Variants in CEP128 observed in about 807,000 individuals in gnomAD.
CEP128 encodes centrosomal protein 128kDa.
In CEP128, 132 loss-of-function variants were observed where a neutral mutation model predicts 156.7. That is an observed-to-expected ratio of 0.84 (90% CI 0.73 to 0.97). The LOEUF (loss-of-function observed/expected upper bound fraction) is 0.97, where lower values mean the gene tolerates loss of function less well. Ranked by LOEUF, CEP128 falls within the 50% of genes least tolerant of loss-of-function variation. The pLI is 0.00. For synonymous variants in CEP128, 469 were observed against 448.9 expected (o/e 1.04, Z -0.57); for missense variants, 1,252 against 1,281.9 (o/e 0.98, Z 0.36).
At chr14:80,656,340 T>G (rs1267282322) in intron 19 of CEP128, among the ~76,000 whole-genome samples, 8 of 12,612 alleles carry the variant, frequency 6.3e-4, no homozygotes, top group South Asian at 2.4e-3. Flanking sequence ...TATATATATA[T>G]AGCAATAAAA....
chr14:80,933,137 C>T (rs569260546), intron 2 of CEP128, among the ~76,000 whole-genome samples: 64 of 152,256 alleles, frequency 4.2e-4, no homozygotes, highest in African/African-American at 1.4e-3. Flanking sequence ...GTCAATCCCC[C>T]AGCTTCACCC....
rs538604508 is a variant in CEP128, at chr14:80,780,116, G to A, written c.2212-2070C>T. Among the ~76,000 whole-genome samples, 10 of 152,092 alleles carry A rather than the reference G, an allele frequency of 6.6e-5. No individual in the cohort carries two copies. In the South Asian group the frequency reaches 2.1e-3, roughly 32 times the overall value. The stretch of plus-strand genomic sequence containing the variant: ...TAAATTTAAAAATAGGTATGAGAGG[G>A]GTGATTCTAGAAGGAGGAAAAAAAT... On this transcript the variant is annotated intron_variant, in intron 15 of 24. Coordinates refer to ENST00000555265, the MANE Select transcript of CEP128 (RefSeq NM_152446.5).
At chr14:80,783,042 ATT>A (rs1901210387) in intron 15 of CEP128, among the ~76,000 whole-genome samples, 1 of 152,056 alleles carries the variant, frequency 6.6e-6, no homozygotes, top group Admixed American at 6.6e-5. Flanking sequence ...GCTCCGAAAT[ATT>A]TCACTCTAAT....
downstream of CEP128, among the ~76,000 whole-genome samples, chr14:80,489,267 T>TAAAAA (rs35135843): frequency 9.3e-6 from 1 of 108,004 alleles, no homozygotes; most frequent in African/African-American, 3.5e-5. Context: ...TTGTAAAAGC[T>TAAAAA]AAAAAAAAAA....
intron 16 of CEP128, among the ~76,000 whole-genome samples, chr14:80,773,535 A>G (rs1168488356): frequency 6.6e-6 from 1 of 152,190 alleles, no homozygotes; most frequent in Non-Finnish European, 1.5e-5. Context: ...AAACTACTTG[A>G]CTTTACAAAG....
At chr14:80,621,348 A>T (rs536644602) in intron 19 of CEP128, among the ~76,000 whole-genome samples, 4 of 152,278 alleles carry the variant, frequency 2.6e-5, no homozygotes, top group South Asian at 4.1e-4. Flanking sequence ...TCTAATATGT[A>T]TTGTCTTTCC....
At chr14:80,697,702 C>T (rs1208270341) in intron 19 of CEP128, among the ~76,000 whole-genome samples, 1 of 151,968 alleles carries the variant, frequency 6.6e-6, no homozygotes, top group Non-Finnish European at 1.5e-5. Context: ...CTGCTTACCT[C>T]AAAATGTGAA....
intron 19 of CEP128, among the ~76,000 whole-genome samples, chr14:80,716,314 T>C (rs1897603583): frequency 6.6e-6 from 1 of 152,184 alleles, no homozygotes; most frequent in African/African-American, 2.4e-5. Flanking sequence ...CCACAATCAA[T>C]TTTAAAACAT....
intron 20 of CEP128, among the ~76,000 whole-genome samples, chr14:80,566,354 A>G (rs1396329923): frequency 6.6e-6 from 1 of 152,250 alleles, no homozygotes. Flanking sequence ...GTCATTTTAA[A>G]TAATTAAAAG....
At chr14:80,779,085 T>G (rs1306267769) in intron 15 of CEP128, among the ~76,000 whole-genome samples, 1 of 152,162 alleles carries the variant, frequency 6.6e-6, no homozygotes, top group Non-Finnish European at 1.5e-5. Context: ...TATCATTAGG[T>G]TTTAAAAACC....
chr14:80,547,503 C>T (rs1890034706), intron 21 of CEP128, among the ~76,000 whole-genome samples: 1 of 152,128 alleles, frequency 6.6e-6, no homozygotes, highest in Admixed American at 6.5e-5. Context: ...TTCATAAACT[C>T]CTCTGGCCTC....
chr14:80,897,673 A>G (rs114374669), intron 7 of CEP128, among the ~76,000 whole-genome samples: 12,062 of 152,196 alleles, frequency 0.079, 522 homozygotes, highest in African/African-American at 0.1. Context: ...CAAAAACAGT[A>G]TCTTCAAACA....
At chr14:80,613,543 T>C (rs1283756909) in intron 19 of CEP128, among the ~76,000 whole-genome samples, 1 of 151,724 alleles carries the variant, frequency 6.6e-6, no homozygotes, top group Admixed American at 6.6e-5. Flanking sequence ...TCTCCTGACC[T>C]TGTGATCCAC....
At chr14:80,478,313 T>C (rs1316462738) in exon 15 of CEP128, 1 of 152,026 alleles carries the variant, frequency 6.6e-6, no homozygotes, top group Non-Finnish European at 1.5e-5. Flanking sequence ...CAAAACCTGA[T>C]GCACCATCAT....
chr14:80,727,650 T>C (rs1278650984), intron 19 of CEP128, among the ~76,000 whole-genome samples: 2 of 151,984 alleles, frequency 1.3e-5, no homozygotes, highest in African/African-American at 2.4e-5. Context: ...ATATCAACAA[T>C]CTGTAAGGAA....
chr14:80,822,909 T>C (rs1260923420), intron 13 of CEP128: 6 of 521,364 alleles, frequency 1.2e-5, no homozygotes, highest in Non-Finnish European at 2.1e-5. Flanking sequence ...TAAGCTATGT[T>C]GTTAGCACAC....
chr14:80,681,116 A>G (rs1000465264), intron 19 of CEP128, among the ~76,000 whole-genome samples: 26 of 152,304 alleles, frequency 1.7e-4, no homozygotes, highest in Non-Finnish European at 2.6e-4. Flanking sequence ...AAATCTGCCA[A>G]AAGAAGTACA....
At chr14:80,591,881 C>G (rs1405092682) in intron 19 of CEP128, among the ~76,000 whole-genome samples, 1 of 152,180 alleles carries the variant, frequency 6.6e-6, no homozygotes, top group Non-Finnish European at 1.5e-5. Flanking sequence ...TACATGGAAA[C>G]TAAACAACTT....
chr14:80,894,866 A>G (rs532032375), intron 8 of CEP128, among the ~76,000 whole-genome samples: 64 of 152,136 alleles, frequency 4.2e-4, no homozygotes, highest in African/African-American at 1.3e-3. Flanking sequence ...TGAACTCAAC[A>G]TATCTATGTA....
Sources: allele counts gnomAD v4.1 joint callset (sites outside exome capture counted in the v4.1 genomes callset), GRCh38; gene constraint gnomAD v4.1.1; transcripts MANE v1.5; gene names NCBI Gene and HGNC (gene_info 2026-07-23, HGNC 2026-07-21).